The following ARHGAP25 variants were observed in gnomAD, a reference collection of about 807,000 sequenced individuals.
ARHGAP25 encodes rho GTPase-activating protein 25.
In ARHGAP25, 34 loss-of-function variants were observed where a neutral mutation model predicts 71.0. That is an observed-to-expected ratio of 0.48 (90% confidence interval 0.36 to 0.64). The LOEUF is 0.64. ARHGAP25 is among the 30% of genes least tolerant of loss of function. The pLI, the probability that ARHGAP25 is intolerant of heterozygous loss-of-function variation, is 0.00. For synonymous variants in ARHGAP25, 282 were observed against 296.5 expected, an observed-to-expected ratio of 0.95 and a Z score of 0.50; for missense variants, 706 against 805.1, an observed-to-expected ratio of 0.88 and a Z score of 1.49.
chr2:68,714,629 A>T (rs1674569000), intron 2 of ARHGAP25, among the ~76,000 whole-genome samples: 2 of 152,176 alleles, frequency 1.3e-5, no homozygotes, highest in Admixed American at 1.3e-4. Flanking sequence ...TTAGTGCTAT[A>T]CATTTCCCTC....
chr2:68,724,398 C>T (rs951492034), intron 2 of ARHGAP25, among the ~76,000 whole-genome samples: 5 of 152,220 alleles, frequency 3.3e-5, no homozygotes, highest in Non-Finnish European at 7.3e-5. Flanking sequence ...CTCTCTCATA[C>T]TAGCCCCTCT....
chr2:68,818,659 G>A (rs7583808), intron 8 of ARHGAP25, among the ~76,000 whole-genome samples: 4,928 of 152,320 alleles, frequency 0.032, 250 homozygotes, highest in African/African-American at 0.11. Flanking sequence ...CCCACAAAAA[G>A]GCTGCTTAAA....
chr2:68,768,226 T>C (rs1573477219), intron 1 of ARHGAP25, among the ~76,000 whole-genome samples: 2 of 152,236 alleles, frequency 1.3e-5, no homozygotes, highest in Non-Finnish European at 2.9e-5. Flanking sequence ...CTCTATAAAG[T>C]GCTTGCACTG....
chr2:68,784,497 GT>G lies in ARHGAP25; in HGVS notation c.349+2187del, dbSNP rs199629320. Among the ~76,000 whole-genome samples the G allele has an allele frequency of 2.6e-4, 39 of 149,574 alleles. 1 individual carries two copies. In the South Asian group the frequency reaches 3.0e-3, roughly 11 times the overall value. On this transcript the variant is annotated intron_variant, in intron 3 of 10. Transcript: ENST00000409202. ...GAAACTTTTAATTGTAGGCATGCTA[GT>G]TTTTTTTTTAATTGGGGGCAGGCAA...
chr2:68,718,993 T>C (rs932015875), intron 2 of ARHGAP25, among the ~76,000 whole-genome samples: 3 of 151,784 alleles, frequency 2.0e-5, no homozygotes, highest in African/African-American at 7.3e-5. Context: ...GAAAAAAAAA[T>C]TTCCCTCAAG....
intron 1 of ARHGAP25, among the ~76,000 whole-genome samples, chr2:68,773,416 C>CT (rs1677618473): frequency 6.6e-6 from 1 of 152,098 alleles, no homozygotes; most frequent in Non-Finnish European, 1.5e-5. Context: ...AATCAAATAT[C>CT]CCATGTTCTT....
intron 1 of ARHGAP25, among the ~76,000 whole-genome samples, chr2:68,748,913 T>G (rs956810347): frequency 6.6e-6 from 1 of 152,318 alleles, no homozygotes; most frequent in African/African-American, 2.4e-5. Flanking sequence ...TCCTTCAGAC[T>G]CAGGGGCCCT....
upstream of ARHGAP25, among the ~76,000 whole-genome samples, chr2:68,731,845 A>G (rs1033448356): frequency 2.0e-5 from 3 of 152,006 alleles, no homozygotes; most frequent in Admixed American, 6.6e-5. Flanking sequence ...TTTCCCCAAC[A>G]TAGCTCTCTC....
chr2:68,750,918 C>T (rs909161820), intron 1 of ARHGAP25, among the ~76,000 whole-genome samples: 1 of 152,134 alleles, frequency 6.6e-6, no homozygotes, highest in Admixed American at 6.5e-5. Flanking sequence ...GGAGGAGGCA[C>T]TAATAATAGT....
At chr2:68,727,315 C>T (rs945852515) in intron 2 of ARHGAP25, among the ~76,000 whole-genome samples, 3 of 152,182 alleles carry the variant, frequency 2.0e-5, no homozygotes, top group Admixed American at 2.0e-4. Context: ...TTTCCCCTCA[C>T]TTTTGGTTAA....
chr2:68,811,115 T>A (rs1468307352), intron 5 of ARHGAP25, among the ~76,000 whole-genome samples: 2 of 152,148 alleles, frequency 1.3e-5, no homozygotes, highest in Non-Finnish European at 2.9e-5. Flanking sequence ...CTCATTCCAT[T>A]GGTGTGTTTT....
At chr2:68,757,170 A>T (rs1438933840) in intron 1 of ARHGAP25, among the ~76,000 whole-genome samples, 2 of 152,190 alleles carry the variant, frequency 1.3e-5, no homozygotes, top group Admixed American at 6.5e-5. Flanking sequence ...CCTAAGAGAC[A>T]TCTGGGTTAC....
chr2:68,742,886 C>T (rs1558608470), intron 1 of ARHGAP25, among the ~76,000 whole-genome samples: 1 of 152,220 alleles, frequency 6.6e-6, no homozygotes. Context: ...TTCCAAATGC[C>T]ATGTACTCAC....
At chr2:68,773,230 G>A (rs1015742421) in intron 1 of ARHGAP25, among the ~76,000 whole-genome samples, 1 of 152,174 alleles carries the variant, frequency 6.6e-6, no homozygotes, top group African/African-American at 2.4e-5. Context: ...GAAAGACTCT[G>A]TAATGCCATA....
Position 68,822,598 on chromosome 2 carries a change from A to G in ARHGAP25, c.1459A>G (p.Met487Val). The G allele has an allele frequency of 6.2e-7, 1 of 1,614,170 alleles. No individual in the cohort carries two copies. The change falls in exon 10 of 11, where the codon ATG becomes GTG. Residue 487 changes from methionine (M) to valine (V), a missense_variant. Physicochemically the swap from Met to Val is conservative, Grantham distance 21. Transcript: ENST00000409202. The stretch of plus-strand genomic sequence containing the variant: ...GGCAGGGGAAGGGCACAGGAGAACG[A>G]TGTCTCAAGACTTGCGCCAACTTTC... ...AKAGEGHRRTMSQDLRQLSDS... is the reference protein window; with the variant it reads ...AKAGEGHRRTVSQDLRQLSDS...
intron 1 of ARHGAP25, chr2:68,774,738 C>G: frequency 9.9e-7 from 1 of 1,009,854 alleles, no homozygotes; most frequent in Non-Finnish European, 1.2e-6. Context: ...CTCCTCTAGC[C>G]GGCCGCTGTG....
intron 1 of ARHGAP25, chr2:68,774,718 C>T: frequency 2.6e-5 from 26 of 1,005,686 alleles, no homozygotes; most frequent in Non-Finnish European, 3.0e-5. Context: ...CAGCTTCTGT[C>T]TTGCGGCCCC....
chr2:68,732,954 T>G (rs1007773443), upstream of ARHGAP25, among the ~76,000 whole-genome samples: 1 of 152,228 alleles, frequency 6.6e-6, no homozygotes, highest in African/African-American at 2.4e-5. Context: ...CCATGTGATT[T>G]GGAGTTCAGG....
intron 4 of ARHGAP25, among the ~76,000 whole-genome samples, chr2:68,797,079 T>C (rs1352846204): frequency 2.0e-5 from 3 of 151,898 alleles, no homozygotes; most frequent in Admixed American, 2.0e-4. Flanking sequence ...GTAACCCAGG[T>C]GGTAGTTGGG....
Sources: gnomAD v4.1 joint callset for allele counts (sites outside exome capture counted in the v4.1 genomes callset) on GRCh38, gnomAD v4.1.1 for gene constraint, MANE v1.5 for transcripts, NCBI Gene and HGNC (gene_info 2026-07-23, HGNC 2026-07-21) for gene names.